The following FBXW7 variants were observed in gnomAD, a reference collection of about 807,000 sequenced individuals.
FBXW7 encodes the protein F-box/WD repeat-containing protein 7.
FBXW7 carries 11 observed loss-of-function variants against 86.3 expected under a neutral mutation model. The observed-to-expected ratio is 0.13, with a 90% CI of 0.08 to 0.21. FBXW7 has a LOEUF of 0.21. Among genes scored for constraint, FBXW7 ranks in the 10% least tolerant of loss-of-function variants. FBXW7 has a pLI of 1.00. For missense variants in FBXW7, 488 were observed against 847.4 expected (o/e 0.58, Z 5.27); for synonymous variants, 313 against 297.9 (o/e 1.05, Z -0.52).
intron 2 of FBXW7, among the ~76,000 whole-genome samples, chr4:152,517,656 T>A (rs2149724383): frequency 6.6e-6 from 1 of 152,298 alleles, no homozygotes; most frequent in Non-Finnish European, 1.5e-5. Flanking sequence ...AATAGGGATA[T>A]TAACAACACT....
At chr4:152,467,340 T>C (rs1434633096) in intron 2 of FBXW7, among the ~76,000 whole-genome samples, 1 of 152,182 alleles carries the variant, frequency 6.6e-6, no homozygotes, top group Non-Finnish European at 1.5e-5. Context: ...GTTCCTCTTC[T>C]GCCACAACTG....
At chr4:152,487,490 G>A (rs1014952804) in intron 2 of FBXW7, among the ~76,000 whole-genome samples, 1 of 152,022 alleles carries the variant, frequency 6.6e-6, no homozygotes, top group African/African-American at 2.4e-5. Context: ...TATGCCAACA[G>A]TATATTATTA....
At position 152,427,227 on chromosome 4, in the gene FBXW7, A is replaced by T. The variant is rs188200996; in HGVS notation, c.-119-14698T>A. On this transcript the variant is annotated intron_variant, in intron 2 of 13. Transcript: ENST00000281708. The stretch of plus-strand genomic sequence containing the variant: ...TCAGTAAAGGAAGAATTCTGTAAAA[A>T]TATAATTGATCAAGAAATGCAACAT... 2.6e-5 allele frequency among the ~76,000 whole-genome samples: 4 copies of T among 152,222 alleles called. No homozygotes were observed. The East Asian group carries it at 7.7e-4, about 29-fold the overall frequency.
chr4:152,390,342 G>A (rs1220576945), intron 4 of FBXW7, among the ~76,000 whole-genome samples: 2 of 151,914 alleles, frequency 1.3e-5, no homozygotes, highest in Non-Finnish European at 1.5e-5. Context: ...TTTCAGAAAT[G>A]CCCAGTATGA....
chr4:152,407,032 AT>A (rs1324873211), intron 4 of FBXW7, among the ~76,000 whole-genome samples: 1 of 152,172 alleles, frequency 6.6e-6, no homozygotes, highest in Non-Finnish European at 1.5e-5. Context: ...TACATAAATT[AT>A]TTCACTTAAT....
chr4:152,454,281 G>T (rs1419430092), intron 2 of FBXW7, among the ~76,000 whole-genome samples: 1 of 104,808 alleles, frequency 9.5e-6, no homozygotes, highest in African/African-American at 4.0e-5. Context: ...TTTTTTCCAC[G>T]CCAATACCTT....
At chr4:152,376,883 G>GT (rs1288836722) in intron 4 of FBXW7, among the ~76,000 whole-genome samples, 5 of 151,466 alleles carry the variant, frequency 3.3e-5, no homozygotes, top group South Asian at 2.1e-4. Context: ...AATATTTCCA[G>GT]TTTTTTCATG....
intron 2 of FBXW7, among the ~76,000 whole-genome samples, chr4:152,496,951 C>G (rs1746405051): frequency 6.6e-6 from 1 of 151,942 alleles, no homozygotes; most frequent in Admixed American, 6.6e-5. Context: ...GAAAGCAGAC[C>G]AAAGAAGCTA....
At position 152,386,966 on chromosome 4, in the gene FBXW7, T is replaced by A. The variant is rs183926304; in HGVS notation, c.501+24337A>T. 2.6e-5 allele frequency among the ~76,000 whole-genome samples: 4 copies of A among 152,314 alleles called. No homozygotes were observed. In the East Asian group the frequency reaches 7.7e-4, roughly 29 times the overall value. ...CCATCACAGCAATTTACTCTGGATT[T>A]CCATCTTTTCTTTCATTCAGTATTA... On this transcript the variant is annotated intron_variant, in intron 4 of 13. Coordinates refer to ENST00000281708, the MANE Select transcript of FBXW7 (RefSeq NM_001349798.2).
chr4:152,461,071 G>C (rs911988591), intron 2 of FBXW7, among the ~76,000 whole-genome samples: 1 of 152,034 alleles, frequency 6.6e-6, no homozygotes, highest in Non-Finnish European at 1.5e-5. Context: ...ACCTGAGGTC[G>C]GGAGGGAGTT....
chr4:152,322,913 G>C lies in FBXW7; in HGVS notation c.2092C>G (p.Leu698Val), dbSNP rs757047739. The C allele has an allele frequency of 6.2e-7, 1 of 1,613,568 alleles. No homozygotes were observed. Among genetic ancestry groups the C allele is most frequent in the South Asian group, 1.1e-5 (1 of 91,054 alleles). ...SRNGTEETKL[L>V]VLDFDVDMK ...ATGTCCACATCAAAGTCCAGCACCA[G>C]CAGCTTGGTTTCTTCAGTCCCATTC... Residue 698 changes from leucine to valine, a missense_variant, in exon 14 of 14, where the codon CTG (leucine) becomes GTG (valine). Coordinates refer to ENST00000281708, the MANE Select transcript of FBXW7 (RefSeq NM_001349798.2).
At chr4:152,527,705 A>T (rs1749642371) in intron 2 of FBXW7, among the ~76,000 whole-genome samples, 1 of 152,052 alleles carries the variant, frequency 6.6e-6, no homozygotes, top group South Asian at 2.1e-4. Flanking sequence ...ACTTGAGCCC[A>T]GGGGGTCACG....
At chr4:152,370,026 A>G (rs550800448) in intron 4 of FBXW7, among the ~76,000 whole-genome samples, 45 of 152,132 alleles carry the variant, frequency 3.0e-4, no homozygotes, top group African/African-American at 1.1e-3. Context: ...AGTAACACAG[A>G]TTTTTAAAAC....
intron 2 of FBXW7, among the ~76,000 whole-genome samples, chr4:152,426,498 C>T (rs1180123171): frequency 1.3e-5 from 2 of 152,136 alleles, no homozygotes; most frequent in East Asian, 1.9e-4. Flanking sequence ...TACAGGCGCA[C>T]GTCACCATGC....
At chr4:152,501,249 TG>T (rs1314688611) in intron 2 of FBXW7, among the ~76,000 whole-genome samples, 3 of 152,234 alleles carry the variant, frequency 2.0e-5, no homozygotes, top group Non-Finnish European at 4.4e-5. Context: ...GAATGCACTT[TG>T]GAAACCATCT....
chr4:152,366,798 A>G (rs191868744), intron 4 of FBXW7, among the ~76,000 whole-genome samples: 132 of 152,354 alleles, frequency 8.7e-4, no homozygotes, highest in Non-Finnish European at 1.0e-3. Flanking sequence ...AGGATTATAA[A>G]TCATGCTACA....
chr4:152,401,734 A>C (rs553073638), intron 4 of FBXW7, among the ~76,000 whole-genome samples: 1 of 152,362 alleles, frequency 6.6e-6, no homozygotes, highest in Non-Finnish European at 1.5e-5. Flanking sequence ...TAACAAATGT[A>C]CTACTCTGGT....
chr4:152,420,456 C>G, intron 2 of FBXW7, among the ~76,000 whole-genome samples: 1 of 152,164 alleles, frequency 6.6e-6, no homozygotes, highest in East Asian at 1.9e-4. Context: ...CACGAATGTT[C>G]TCAATGGTAC....
At chr4:152,439,323 T>A (rs1398845432) in intron 2 of FBXW7, among the ~76,000 whole-genome samples, 1 of 152,072 alleles carries the variant, frequency 6.6e-6, no homozygotes, top group East Asian at 1.9e-4. Flanking sequence ...TAAGTAGAAA[T>A]GAATGTTCTC....
Sources: allele counts gnomAD v4.1 joint callset (sites outside exome capture counted in the v4.1 genomes callset), GRCh38; gene constraint gnomAD v4.1.1; transcripts MANE v1.5; gene names NCBI Gene and HGNC (gene_info 2026-07-23, HGNC 2026-07-21).